PLOD3: variants seen among roughly 807,000 people sequenced by gnomAD.
PLOD3 encodes the protein multifunctional procollagen lysine hydroxylase and glycosyltransferase LH3.
In PLOD3, 73 loss-of-function variants were observed where a neutral mutation model predicts 96.9. The observed-to-expected ratio is 0.75, with a 90% CI of 0.62 to 0.92. The LOEUF (loss-of-function observed/expected upper bound fraction) is 0.92. Among genes scored for constraint, PLOD3 ranks in the 40% least tolerant of loss-of-function variants. The pLI is 0.00. For synonymous variants in PLOD3, 454 were observed against 413.7 expected (o/e 1.10, Z -1.18); for missense variants, 1,004 against 1,004.3 (o/e 1.00, Z 0.00).
Position 101,210,317 on chromosome 7 carries a change from G to C in PLOD3, c.1614+14C>G. The stretch of plus-strand genomic sequence containing the variant: ...GGGGAACCTGTGTGCTCTGGGCGTG[G>C]GGTCCCCACTCACGACGGGGTTGTC... On this transcript the variant is annotated intron_variant, in intron 14 of 18. Coordinates refer to ENST00000223127, the MANE Select transcript of PLOD3 (RefSeq NM_001084.5). 1 of 1,600,724 alleles carries C rather than the reference G, an allele frequency of 6.2e-7. No homozygotes were observed. The highest frequency in any genetic ancestry group is 8.6e-7 in the Non-Finnish European group (1 of 1,168,174).
At position 101,206,164 on chromosome 7, in the gene PLOD3, G is replaced by A. The variant is rs189494403; in HGVS notation, c.*117C>T. 1.5e-4 allele frequency: 161 copies of A among 1,077,320 alleles called. No homozygotes were observed. The highest frequency in any genetic ancestry group is 5.4e-4 in the Admixed American group (32 of 59,318). The allele number at this position is 1,077,320 out of a possible 1,614,324, so 66.7% of individuals were successfully genotyped here. A position where few individuals can be genotyped will look rare whatever the true frequency, so the allele number is the denominator to read the frequency against. The stretch of plus-strand genomic sequence containing the variant: ...GGTGACATATTCAGTTCAGGCACGC[G>A]GAACATGAACTCAGGAAGTGGGGAG... On this transcript the variant is annotated 3_prime_UTR_variant, in exon 19 of 19. Coordinates refer to ENST00000223127, the MANE Select transcript of PLOD3 (RefSeq NM_001084.5).
chr7:101,211,224 G>C, intron 12 of PLOD3: 1 of 233,884 alleles, frequency 4.3e-6, no homozygotes. Flanking sequence ...TCTGTTTCCA[G>C]GCTGGAGTGC....
chr7:101,215,829 T>G (rs1798260582), intron 5 of PLOD3, 79 bp downstream of exon 5: 1 of 995,586 alleles, frequency 1.0e-6, no homozygotes, highest in African/African-American at 1.6e-5. Flanking sequence ...CAACCCCCTT[T>G]GCTCCCCAAA....
chr7:101,215,090 T>C lies in PLOD3; in HGVS notation c.678A>G (p.Leu226=). ...SRIFQNLNGA[L]DEVVLKFDRN... ...ACCTGCGGCTGTCTTCCTCCTCACC[T>C]AAAGCCCCGTTGAGGTTCTGAAAGA... is the stretch of plus-strand genomic sequence containing the variant. The change falls in exon 6 of 19, where the codon TTA becomes TTG. Residue 226 remains leucine, a splice_region_variant and synonymous_variant. Transcript: ENST00000223127. 6.2e-7 allele frequency: 1 copy of C among 1,610,984 alleles called. No homozygotes were observed. The highest frequency in any genetic ancestry group is 8.5e-7 in the Non-Finnish European group (1 of 1,177,058).
chr7:101,215,220 TTCTC>T (rs910108513), intron 5 of PLOD3, 68 bp from the exon 6 acceptor site: 20 of 1,160,242 alleles, frequency 1.7e-5, no homozygotes, highest in Non-Finnish European at 2.3e-5. Flanking sequence ...TTTCTCACTT[TTCTC>T]TCTCTTTTTT....
intron 13 of PLOD3, 38 bp downstream of exon 13, chr7:101,210,494 G>A (rs1798164110): frequency 6.2e-7 from 1 of 1,614,050 alleles, no homozygotes; most frequent in Non-Finnish European, 8.5e-7. Flanking sequence ...TGGAGTCTGG[G>A]GGACTGCCCC....
At chr7:101,216,826 A>T (rs1798285185) in intron 1 of PLOD3, 40 bp from the exon 2 acceptor site, 1 of 1,380,066 alleles carries the variant, frequency 7.2e-7, no homozygotes, top group African/African-American at 1.4e-5. Context: ...TCCACCGCCC[A>T]GCTCCGGGCC....
Position 101,207,021 on chromosome 7 carries a change from G to A in PLOD3, c.1936-117C>T, listed in dbSNP as rs868299764. ...GCTCTGTCACTCAGGCTGGAGTGCAGTGGTGCGATCTTGGCTCGATCTTGG... is the reference window on the plus strand; with the variant it reads ...GCTCTGTCACTCAGGCTGGAGTGCAATGGTGCGATCTTGGCTCGATCTTGG... On this transcript the variant is annotated intron_variant, in intron 17 of 18. Coordinates refer to ENST00000223127, the MANE Select transcript of PLOD3 (RefSeq NM_001084.5). The A allele has an allele frequency of 5.0e-5, 63 of 1,252,614 alleles. No individual in the cohort carries two copies. In the South Asian group the frequency reaches 8.7e-4, roughly 17 times the overall value. The allele number at this position is 1,252,614 out of a possible 1,614,324, so 77.6% of individuals were successfully genotyped here.
In PLOD3 at chr7:101,210,622, A is replaced by T. The variant is rs1171354354; in HGVS notation, c.1410T>A (p.Asp470Glu). The T allele has an allele frequency of 4.3e-6, 7 of 1,613,998 alleles. No homozygotes were observed. Among genetic ancestry groups the T allele is most frequent in the Non-Finnish European group, 5.9e-6 (7 of 1,179,988 alleles). The change falls in exon 13 of 19, where the codon GAT becomes GAA. Residue 470 changes from aspartate to glutamate, a missense_variant. Transcript: ENST00000223127. ...TCTGGGGCAGCTCCATCCGCAGGGT[A>T]TCACCCCGGATCACATAGGCCTGGG... ...YISQAYVIRG[D>E]TLRMELPQRD... is the part of the protein sequence containing the mutation.
intron 1 of PLOD3, 97 bp downstream of exon 1, chr7:101,217,069 C>G (rs1250766290): frequency 7.7e-7 from 1 of 1,292,588 alleles, no homozygotes; most frequent in African/African-American, 1.5e-5. Flanking sequence ...GGGGACGGGC[C>G]AGACACCTCC....
chr7:101,215,202 G>A (rs771834592), intron 5 of PLOD3, 50 bp from the exon 6 acceptor site: 2 of 1,277,570 alleles, frequency 1.6e-6, no homozygotes, highest in East Asian at 2.3e-5. Flanking sequence ...GGAGTGGAAA[G>A]GACATCATTT....
chr7:101,215,270 A>G (rs1798250006), intron 5 of PLOD3, 118 bp from the exon 6 acceptor site: 1 of 812,684 alleles, frequency 1.2e-6, no homozygotes, highest in Non-Finnish European at 2.2e-6. Context: ...CTGGAGTGCA[A>G]TGGCACGATC....
intron 5 of PLOD3, among the ~76,000 whole-genome samples, chr7:101,215,504 T>C (rs556090547): frequency 6.6e-6 from 1 of 152,194 alleles, no homozygotes; most frequent in Non-Finnish European, 1.5e-5. Context: ...TGAGCCACCA[T>C]GGTTTTCCTT....
intron 16 of PLOD3, among the ~76,000 whole-genome samples, chr7:101,207,941 A>G (rs571973359): frequency 5.9e-5 from 9 of 151,948 alleles, no homozygotes; most frequent in Non-Finnish European, 1.0e-4. Flanking sequence ...TACTCCTCCC[A>G]AGTCTGGGTC....
In PLOD3 at chr7:101,212,506, G is replaced by A. The variant is rs771169058; in HGVS notation, c.1005+24C>T. ...AGGGCAGGGAAAGGGTCCCTCAGGA[G>A]AGGCTCCAACAGGGGAGTCTCACGT... On this transcript the variant is annotated intron_variant, in intron 9 of 18. Transcript: ENST00000223127. The A allele has an allele frequency of 3.7e-6, 6 of 1,613,084 alleles. No homozygotes were observed. The Admixed American group carries it at 8.3e-5, about 22-fold the overall frequency.
rs774480848 is a variant in PLOD3 at position 101,207,766 on chromosome 7, G to T, written c.1789-42C>A. On this transcript the variant is annotated intron_variant, in intron 16 of 18. Coordinates refer to ENST00000223127, the MANE Select transcript of PLOD3 (RefSeq NM_001084.5). ...CTGAGCCACCCGCCCCTCCAGCCAT[G>T]GCGCTCCCCACCCCAGGGCAGTCCA... 1.9e-6 allele frequency: 3 copies of T among 1,611,344 alleles called. No homozygotes were observed. In the African/African-American group the frequency reaches 4.0e-5, roughly 22 times the overall value.
Position 101,216,125 on chromosome 7 carries a change from G to A in PLOD3, c.502+38C>T, listed in dbSNP as rs572023111. On this transcript the variant is annotated intron_variant, in intron 4 of 18. Coordinates refer to ENST00000223127, the MANE Select transcript of PLOD3 (RefSeq NM_001084.5). Reference sequence around the variant, plus strand: ...CGCCTTTAACACTCTGTGTCCCACCGCTCTTGGCCCCTCTGCCTTGGGCAC... The same window carrying A: ...CGCCTTTAACACTCTGTGTCCCACCACTCTTGGCCCCTCTGCCTTGGGCAC... 13 of 1,613,162 alleles carry A rather than the reference G, an allele frequency of 8.1e-6. No homozygotes were observed. The African/African-American group carries it at 9.3e-5, about 12-fold the overall frequency.
rs150561173 is a variant in PLOD3, at chr7:101,210,845, C to T, written c.1359-172G>A. 534 of 649,178 alleles carry T rather than the reference C, an allele frequency of 8.2e-4. 1 individual carries two copies. The African/African-American group carries it at 9.1e-3, about 11-fold the overall frequency. The allele number at this position is 649,178 out of a possible 1,614,324, so 40.2% of individuals were successfully genotyped here. On this transcript the variant is annotated intron_variant, in intron 12 of 18. Coordinates refer to ENST00000223127, the MANE Select transcript of PLOD3 (RefSeq NM_001084.5). ...ACCACCCCACCTCCCAAAATGCGGT[C>T]AGTTCCTACCCCAAGCTGTGGCACT...
In PLOD3 at chr7:101,217,314, T is replaced by A. The variant is rs757530391; in HGVS notation, c.-40A>T. Reference sequence around the variant, plus strand: ...CCAGACAGCACCCAGGATCCTGGGATCTCCGCTACGCGCCTGGATCCCAGC... The same window carrying A: ...CCAGACAGCACCCAGGATCCTGGGAACTCCGCTACGCGCCTGGATCCCAGC... On this transcript the variant is annotated 5_prime_UTR_variant, in exon 1 of 19. Coordinates refer to ENST00000223127, the MANE Select transcript of PLOD3 (RefSeq NM_001084.5). 5.1e-6 allele frequency: 7 copies of A among 1,375,630 alleles called. No homozygotes were observed. The South Asian group carries it at 1.2e-4, about 24-fold the overall frequency. 85.2% of individuals were successfully genotyped at this position (1,375,630 alleles called of 1,614,324 possible).
Sources: allele counts gnomAD v4.1 joint callset (sites outside exome capture counted in the v4.1 genomes callset), GRCh38; gene constraint gnomAD v4.1.1; transcripts MANE v1.5; gene names NCBI Gene and HGNC (gene_info 2026-07-23, HGNC 2026-07-21).